CCDC148: variants seen among roughly 807,000 people sequenced by gnomAD.
CCDC148 encodes the protein coiled-coil domain-containing protein 148.
Under a neutral mutation model 85.7 loss-of-function variants are expected in CCDC148, and 89 were observed. The ratio of observed to expected loss-of-function variants is 1.04; its 90% confidence interval spans 0.87 to 1.24. The LOEUF (loss-of-function observed/expected upper bound fraction) is 1.24, where lower values mean the gene tolerates loss of function less well. Among genes scored for constraint, CCDC148 ranks in the 50% most tolerant of loss-of-function variants. The pLI is 0.00. For missense variants in CCDC148, 692 were observed against 671.7 expected (o/e 1.03, Z -0.33); for synonymous variants, 230 against 213.9 (o/e 1.08, Z -0.66).
At chr2:158,245,891 A>T (rs1268711056) in intron 10 of CCDC148, among the ~76,000 whole-genome samples, 1 of 152,200 alleles carries the variant, frequency 6.6e-6, no homozygotes, top group African/African-American at 2.4e-5. Context: ...TCATCTAACA[A>T]CTTAGGAATC....
chr2:158,300,744 G>A (rs1166033909), intron 9 of CCDC148, among the ~76,000 whole-genome samples: 1 of 152,186 alleles, frequency 6.6e-6, no homozygotes, highest in Admixed American at 6.5e-5. Context: ...AAGGAGGCTA[G>A]AAAGAAAGCC....
chr2:158,434,554 A>G (rs1038059856), intron 1 of CCDC148, among the ~76,000 whole-genome samples: 5 of 152,224 alleles, frequency 3.3e-5, no homozygotes, highest in Non-Finnish European at 7.3e-5. Flanking sequence ...ATTAAAAATC[A>G]GAGTGCCTCT....
chr2:158,415,994 T>C (rs1438834684), intron 1 of CCDC148, among the ~76,000 whole-genome samples: 1 of 152,240 alleles, frequency 6.6e-6, no homozygotes, highest in Non-Finnish European at 1.5e-5. Flanking sequence ...GGCTTTTCCA[T>C]AGATCCTCTG....
chr2:158,223,341 C>T (rs1329040627), intron 10 of CCDC148, among the ~76,000 whole-genome samples: 1 of 152,302 alleles, frequency 6.6e-6, no homozygotes, highest in Non-Finnish European at 1.5e-5. Context: ...GGGTGGAGCC[C>T]ACTGCAGCTC....
chr2:158,281,413 A>G (rs1690291832), intron 9 of CCDC148, among the ~76,000 whole-genome samples: 1 of 152,178 alleles, frequency 6.6e-6, no homozygotes, highest in African/African-American at 2.4e-5. Flanking sequence ...GAGAAGAATC[A>G]AATAGACGCA....
intron 1 of CCDC148, among the ~76,000 whole-genome samples, chr2:158,391,323 C>G (rs1437185721): frequency 6.6e-6 from 1 of 152,116 alleles, no homozygotes; most frequent in Non-Finnish European, 1.5e-5. Flanking sequence ...GTCAATATTA[C>G]TTGTGAATTG....
chr2:158,227,310 TACAA>T (rs1687597443), intron 10 of CCDC148, among the ~76,000 whole-genome samples: 1 of 150,330 alleles, frequency 6.7e-6, no homozygotes, highest in Non-Finnish European at 1.5e-5. Context: ...TAAAAGAGGA[TACAA>T]ACAAATGGAA....
intron 7 of CCDC148, among the ~76,000 whole-genome samples, chr2:158,321,272 T>A (rs1480039465): frequency 6.6e-6 from 1 of 152,124 alleles, no homozygotes; most frequent in Non-Finnish European, 1.5e-5. Flanking sequence ...TGGTCCACAC[T>A]ATTACCCACT....
chr2:158,350,644 G>A (rs1008304660), intron 2 of CCDC148, among the ~76,000 whole-genome samples: 2 of 152,030 alleles, frequency 1.3e-5, no homozygotes, highest in Non-Finnish European at 2.9e-5. Flanking sequence ...CACAAAATTG[G>A]ATACATCTCA....
intron 1 of CCDC148, among the ~76,000 whole-genome samples, chr2:158,359,000 T>C (rs537988913): frequency 6.6e-6 from 1 of 152,258 alleles, no homozygotes; most frequent in South Asian, 2.1e-4. Flanking sequence ...ATTTTTAACT[T>C]AGAAAAATCT....
chr2:158,346,401 C>T (rs115713385), intron 2 of CCDC148, among the ~76,000 whole-genome samples: 1,939 of 152,322 alleles, frequency 0.013, 31 homozygotes, highest in African/African-American at 0.04. Context: ...CGGGTAACCT[C>T]ACCCCAGGAA....
chr2:158,341,485 G>A (rs1682694609), intron 3 of CCDC148, among the ~76,000 whole-genome samples: 1 of 151,904 alleles, frequency 6.6e-6, no homozygotes, highest in Non-Finnish European at 1.5e-5. Flanking sequence ...ATGTGCGTGT[G>A]TGTACTTTTA....
At chr2:158,353,259 C>A in intron 2 of CCDC148, among the ~76,000 whole-genome samples, 1 of 120,364 alleles carries the variant, frequency 8.3e-6, no homozygotes, top group Non-Finnish European at 1.8e-5. Context: ...ACTAAATTCT[C>A]CAATTAAAAG....
intron 10 of CCDC148, among the ~76,000 whole-genome samples, chr2:158,226,731 A>C (rs983898505): frequency 3.3e-5 from 5 of 152,316 alleles, no homozygotes; most frequent in African/African-American, 1.2e-4. Context: ...TAGATGCAGA[A>C]AAGGCCTTTG....
At chr2:158,411,701 A>G (rs1396410418) in intron 1 of CCDC148, among the ~76,000 whole-genome samples, 1 of 152,080 alleles carries the variant, frequency 6.6e-6, no homozygotes, top group Non-Finnish European at 1.5e-5. Context: ...TTTGGGGTCA[A>G]TTACTAAAAA....
chr2:158,279,032 C>T (rs536572908), intron 9 of CCDC148, among the ~76,000 whole-genome samples: 16 of 152,198 alleles, frequency 1.1e-4, no homozygotes, highest in Non-Finnish European at 2.1e-4. Context: ...CTGGAGTGGA[C>T]CTCTAGCAAA....
intron 10 of CCDC148, among the ~76,000 whole-genome samples, chr2:158,228,827 G>C (rs557584640): frequency 1.6e-5 from 2 of 123,152 alleles, no homozygotes; most frequent in East Asian, 5.9e-4. Context: ...GGGGAGGGGG[G>C]AGGGATAGTA....
At chr2:158,240,452 T>TCTCTCTCTCACACACACA (rs941238898) in intron 10 of CCDC148, among the ~76,000 whole-genome samples, 4 of 120,470 alleles carry the variant, frequency 3.3e-5, no homozygotes, top group Admixed American at 9.0e-5. Flanking sequence ...TCTCTCTCTC[T>TCTCTCTCTCACACACACA]CACACACACA....
At chr2:158,258,641 A>C (rs1011719263) in intron 9 of CCDC148, among the ~76,000 whole-genome samples, 2 of 151,766 alleles carry the variant, frequency 1.3e-5, no homozygotes, top group African/African-American at 4.8e-5. Context: ...CATGTATCCA[A>C]GTTCTGTTGC....
Sources: gnomAD v4.1 joint callset for allele counts (sites outside exome capture counted in the v4.1 genomes callset) on GRCh38, gnomAD v4.1.1 for gene constraint, MANE v1.5 for transcripts, NCBI Gene and HGNC (gene_info 2026-07-23, HGNC 2026-07-21) for gene names.